Variants in TUSC3 observed in about 807,000 individuals in gnomAD.
The protein encoded by TUSC3 is tumor suppressor candidate 3.
Under a neutral mutation model 44.8 loss-of-function variants are expected in TUSC3, and 45 were observed. The ratio of observed to expected loss-of-function variants is 1.00; its 90% CI spans 0.79 to 1.29. The LOEUF (loss-of-function observed/expected upper bound fraction) is 1.29, where lower values mean the gene tolerates loss of function less well. Among genes scored for constraint, TUSC3 ranks in the 50% most tolerant of loss-of-function variants. TUSC3 has a pLI of 0.00. For missense variants in TUSC3, 519 were observed against 437.9 expected, an observed-to-expected ratio of 1.19 and a Z score of -1.65; for synonymous variants, 212 against 152.9, an observed-to-expected ratio of 1.39 and a Z score of -2.85.
intron 7 of TUSC3, among the ~76,000 whole-genome samples, chr8:15,731,752 A>G (rs1466362304): frequency 2.6e-5 from 4 of 152,180 alleles, no homozygotes; most frequent in Non-Finnish European, 5.9e-5. Flanking sequence ...GAAAAATACT[A>G]TCTTTTTAAC....
At chr8:15,775,241 A>C in the TUSC3 span, among the ~76,000 whole-genome samples, 7 of 152,094 alleles carry the variant, frequency 4.6e-5, no homozygotes, top group Admixed American at 3.3e-4. Context: ...TTTTATATGA[A>C]ATGCCCAGAA....
At chr8:15,714,671 A>G (rs1404108607) in intron 6 of TUSC3, among the ~76,000 whole-genome samples, 2 of 152,126 alleles carry the variant, frequency 1.3e-5, no homozygotes. Context: ...TAAATATACA[A>G]TTTCTTGTCC....
intron 1 of TUSC3, among the ~76,000 whole-genome samples, chr8:15,550,037 G>T (rs1585091539): frequency 6.6e-6 from 1 of 151,640 alleles, no homozygotes; most frequent in South Asian, 2.1e-4. Context: ...GCAAGCACGG[G>T]GTACGTGACT....
At chr8:15,654,835 GGA>G (rs1451302758) in intron 3 of TUSC3, among the ~76,000 whole-genome samples, 1 of 152,080 alleles carries the variant, frequency 6.6e-6, no homozygotes, top group African/African-American at 2.4e-5. Context: ...TTCATTAAAT[GGA>G]GATAGAGTTC....
At chr8:15,566,783 C>A (rs1802694285) in intron 1 of TUSC3, among the ~76,000 whole-genome samples, 1 of 152,032 alleles carries the variant, frequency 6.6e-6, no homozygotes. Flanking sequence ...GTCATCATGA[C>A]TGGTTAATTT....
rs563879857 is a variant in TUSC3, at chr8:15,756,817, ATAGT to A, written c.1029-967_1029-964del. Reference sequence around the variant, plus strand: ...TTCATAGTTGAAGGTGTGTGGAAAAATAGTTAGTTATTCCCCAAACTCGAGCTCT... The same window carrying A: ...TTCATAGTTGAAGGTGTGTGGAAAAATAGTTATTCCCCAAACTCGAGCTCT... On this transcript the variant is annotated intron_variant, in intron 9 of 10. Coordinates refer to ENST00000503731, the MANE Select transcript of TUSC3 (RefSeq NM_006765.4). 8.3e-4 allele frequency among the ~76,000 whole-genome samples: 126 copies of A among 152,228 alleles called. 1 individual carries two copies. In the East Asian group the frequency reaches 9.7e-3, roughly 12 times the overall value.
intron 1 of TUSC3, among the ~76,000 whole-genome samples, chr8:15,425,530 T>C (rs1799792830): frequency 6.6e-6 from 1 of 152,222 alleles, no homozygotes. Flanking sequence ...GTACAATATG[T>C]ATGTTGCCTG....
the TUSC3 span, among the ~76,000 whole-genome samples, chr8:15,842,228 C>G: frequency 2.0e-5 from 3 of 152,238 alleles, no homozygotes; most frequent in East Asian, 1.9e-4. Flanking sequence ...GAGTATGAAT[C>G]CTTCCGACTT....
rs533277621 is a variant in TUSC3 at position 15,483,746 on chromosome 8, C to T, written n.189+263C>T. ...TCTCGGCTCACTGCAAACTCCGCCT[C>T]CCGAGTTCATGCCATTCTCCTGCCT... On this transcript the variant is annotated intron_variant and non_coding_transcript_variant, in intron 2 of 5. Coordinates refer to the TUSC3 transcript ENST00000503191. Among the ~76,000 whole-genome samples the T allele has an allele frequency of 1.5e-4, 22 of 146,962 alleles. 1 individual carries two copies. Among genetic ancestry groups the T allele is most frequent in the African/African-American group, 5.2e-4 (21 of 40,194 alleles).
the TUSC3 span, among the ~76,000 whole-genome samples, chr8:15,851,975 A>AT: frequency 3.4e-4 from 52 of 151,804 alleles, no homozygotes; most frequent in Non-Finnish European, 6.9e-4. Flanking sequence ...CTTGGATCTC[A>AT]TTTTTTCTCT....
the TUSC3 span, among the ~76,000 whole-genome samples, chr8:15,805,310 G>A: frequency 6.6e-6 from 1 of 151,916 alleles, no homozygotes; most frequent in Admixed American, 6.6e-5. Flanking sequence ...TTCCTATTTG[G>A]GTGCCTTGAA....
intron 6 of TUSC3, among the ~76,000 whole-genome samples, chr8:15,698,763 A>G (rs1047540547): frequency 3.3e-5 from 5 of 152,158 alleles, no homozygotes; most frequent in Admixed American, 3.3e-4. Flanking sequence ...TTTATTGCTT[A>G]TAAATAGAAA....
At chr8:15,505,905 T>C (rs1801045415) in intron 2 of TUSC3, among the ~76,000 whole-genome samples, 2 of 152,178 alleles carry the variant, frequency 1.3e-5, no homozygotes, top group Admixed American at 6.5e-5. Context: ...AGGAACATAT[T>C]CTTGCCCAAT....
intron 6 of TUSC3, among the ~76,000 whole-genome samples, chr8:15,690,606 T>C (rs1808856798): frequency 6.6e-6 from 1 of 152,200 alleles, no homozygotes; most frequent in Admixed American, 6.5e-5. Context: ...ATTTCCTGTG[T>C]TATCTTCTAG....
At chr8:15,839,968 G>T in the TUSC3 span, among the ~76,000 whole-genome samples, 4 of 152,246 alleles carry the variant, frequency 2.6e-5, no homozygotes, top group African/African-American at 9.6e-5. Flanking sequence ...CAAAGACTTG[G>T]AACCAACCCA....
chr8:15,735,111 A>G (rs1187848318), intron 7 of TUSC3, among the ~76,000 whole-genome samples: 1 of 152,106 alleles, frequency 6.6e-6, no homozygotes, highest in African/African-American at 2.4e-5. Flanking sequence ...CTGTTTAGGG[A>G]ACAGAAAGCC....
At chr8:15,821,689 C>G in the TUSC3 span, among the ~76,000 whole-genome samples, 1 of 152,006 alleles carries the variant, frequency 6.6e-6, no homozygotes, top group African/African-American at 2.4e-5. Flanking sequence ...AAGCCAGGTT[C>G]CTTCTCTAAG....
intron 6 of TUSC3, among the ~76,000 whole-genome samples, chr8:15,690,674 A>G (rs1176342054): frequency 6.6e-6 from 1 of 151,880 alleles, no homozygotes; most frequent in African/African-American, 2.4e-5. Context: ...GTTGATTTTT[A>G]TGTATAGTGT....
chr8:15,444,775 A>G (rs1004137691), intron 1 of TUSC3, among the ~76,000 whole-genome samples: 3 of 149,424 alleles, frequency 2.0e-5, no homozygotes, highest in Non-Finnish European at 4.5e-5. Flanking sequence ...AGAAAAAAAA[A>G]TAAAATGTCT....
Sources: gnomAD v4.1 joint callset for allele counts (sites outside exome capture counted in the v4.1 genomes callset) on GRCh38, gnomAD v4.1.1 for gene constraint, MANE v1.5 for transcripts, NCBI Gene and HGNC (gene_info 2026-07-23, HGNC 2026-07-21) for gene names.